Variants in SEMA3E observed in about 807,000 individuals in gnomAD.
SEMA3E encodes the protein semaphorin-3E.
In SEMA3E, 49 loss-of-function variants were observed where a neutral mutation model predicts 93.6. That is an observed-to-expected ratio of 0.52 (90% CI 0.42 to 0.66). The LOEUF (loss-of-function observed/expected upper bound fraction) is 0.66. Among genes scored for constraint, SEMA3E ranks in the 30% least tolerant of loss-of-function variants. The probability of loss-of-function intolerance (pLI) is 0.00; values close to 1 mark genes in which losing one functional copy is unlikely to be tolerated. For synonymous variants in SEMA3E, 363 were observed against 330.7 expected, an observed-to-expected ratio of 1.10 and a Z score of -1.06; for missense variants, 906 against 964.8, an observed-to-expected ratio of 0.94 and a Z score of 0.81.
intron 1 of SEMA3E, among the ~76,000 whole-genome samples, chr7:83,540,368 G>A (rs571100164): frequency 1.3e-5 from 2 of 148,574 alleles, no homozygotes; most frequent in African/African-American, 4.9e-5. Flanking sequence ...AAATTAAACA[G>A]TACTACTGGT....
At chr7:83,641,938 A>C (rs371866519) in intron 1 of SEMA3E, among the ~76,000 whole-genome samples, 3 of 152,186 alleles carry the variant, frequency 2.0e-5, no homozygotes, top group African/African-American at 7.2e-5. Context: ...TACCACTTTA[A>C]AGATAAGAAA....
intron 4 of SEMA3E, among the ~76,000 whole-genome samples, chr7:83,439,406 C>A (rs1789066120): frequency 6.6e-6 from 1 of 152,164 alleles, no homozygotes; most frequent in African/African-American, 2.4e-5. Flanking sequence ...AAAGTCTCAA[C>A]AAAGGAAATT....
At chr7:83,557,304 CTA>C (rs1485398416) in intron 1 of SEMA3E, among the ~76,000 whole-genome samples, 2 of 150,954 alleles carry the variant, frequency 1.3e-5, no homozygotes, top group African/African-American at 4.9e-5. Context: ...TTATATGAAT[CTA>C]TAAAAATATA....
At position 83,456,267 on chromosome 7, in the gene SEMA3E, C is replaced by T. The variant is rs1346517688; in HGVS notation, c.456+10215G>A. ...TTATTGTCTGAGCATCTACATTCAA[C>T]ACATAATTTCCATTTTCTTTGAGAT... On this transcript the variant is annotated intron_variant, in intron 4 of 16. Transcript: ENST00000643230. 3.3e-5 allele frequency among the ~76,000 whole-genome samples: 5 copies of T among 152,144 alleles called. No individual in the cohort carries two copies. In the East Asian group the frequency reaches 9.7e-4, roughly 29 times the overall value.
At chr7:83,515,993 C>T (rs1478370330) in intron 1 of SEMA3E, among the ~76,000 whole-genome samples, 1 of 152,090 alleles carries the variant, frequency 6.6e-6, no homozygotes, top group African/African-American at 2.4e-5. Flanking sequence ...CCTCACTGGC[C>T]TTGAGCCTGG....
intron 1 of SEMA3E, among the ~76,000 whole-genome samples, chr7:83,592,000 A>G (rs972943859): frequency 6.6e-6 from 1 of 152,082 alleles, no homozygotes; most frequent in East Asian, 1.9e-4. Flanking sequence ...ACATTGCCTT[A>G]TAAGTGTAAT....
At chr7:83,535,472 C>T (rs1791394016) in intron 1 of SEMA3E, among the ~76,000 whole-genome samples, 1 of 151,676 alleles carries the variant, frequency 6.6e-6, no homozygotes, top group Admixed American at 6.6e-5. Context: ...TACAATCTAT[C>T]AAATATGTTT....
In SEMA3E at chr7:83,507,418, A is replaced by T. The variant is rs547127847; in HGVS notation, c.116-17144T>A. Among the ~76,000 whole-genome samples, 35 of 136,598 alleles carry T rather than the reference A, an allele frequency of 2.6e-4. 1 individual carries two copies. The East Asian group carries it at 8.1e-3, about 32-fold the overall frequency. 89.6% of individuals were successfully genotyped at this position (136,598 alleles called of 152,430 possible). On this transcript the variant is annotated intron_variant, in intron 1 of 16. Coordinates refer to ENST00000643230, the MANE Select transcript of SEMA3E (RefSeq NM_012431.3). ...CTGCTGGGATTTATCACTTCAAAAC[A>T]GAACTCTGTGTGTGTGTGTGTGTGT... is the stretch of plus-strand genomic sequence containing the variant.
intron 4 of SEMA3E, among the ~76,000 whole-genome samples, chr7:83,435,136 A>G (rs1394278180): frequency 6.6e-6 from 1 of 152,186 alleles, no homozygotes; most frequent in Admixed American, 6.5e-5. Context: ...ACCTTGAAAA[A>G]GTTCTACTCT....
At chr7:83,477,499 T>A (rs77114709) in intron 2 of SEMA3E, among the ~76,000 whole-genome samples, 1,754 of 152,290 alleles carry the variant, frequency 0.012, 31 homozygotes, top group African/African-American at 0.04. Flanking sequence ...TCTGTCATTA[T>A]GTTTATGCCT....
In SEMA3E at chr7:83,394,917, T is replaced by C. The variant is rs539335949; in HGVS notation, c.1459-579A>G. Among the ~76,000 whole-genome samples, 86 of 152,242 alleles carry C rather than the reference T, an allele frequency of 5.6e-4. 1 individual carries two copies. Among genetic ancestry groups the C allele is most frequent in the African/African-American group, 2.0e-3 (84 of 41,564 alleles). On this transcript the variant is annotated intron_variant, in intron 12 of 16. Coordinates refer to ENST00000643230, the MANE Select transcript of SEMA3E (RefSeq NM_012431.3). Reference sequence around the variant, plus strand: ...AGCTTTGGGAACCAACATGTTGTTTTTGGATTGTTAAGGCTAGTGCATCCC... The same window carrying C: ...AGCTTTGGGAACCAACATGTTGTTTCTGGATTGTTAAGGCTAGTGCATCCC...
At chr7:83,400,294 A>G in intron 10 of SEMA3E, 44 bp from the exon 11 acceptor site, 1 of 1,564,288 alleles carries the variant, frequency 6.4e-7, no homozygotes, top group Non-Finnish European at 8.8e-7. Flanking sequence ...CTTTACACCC[A>G]AAGAGAAAAT....
intron 4 of SEMA3E, among the ~76,000 whole-genome samples, chr7:83,440,405 A>G (rs373094044): frequency 5.9e-5 from 9 of 152,280 alleles, no homozygotes; most frequent in African/African-American, 7.2e-5. Context: ...AGTTCACATT[A>G]GGGACATTTT....
At chr7:83,615,757 A>G in intron 1 of SEMA3E, among the ~76,000 whole-genome samples, 1 of 152,132 alleles carries the variant, frequency 6.6e-6, no homozygotes, top group East Asian at 1.9e-4. Context: ...AACACACAAG[A>G]CTAGAGAGCA....
At chr7:83,552,328 T>A (rs932043526) in intron 1 of SEMA3E, among the ~76,000 whole-genome samples, 1 of 152,228 alleles carries the variant, frequency 6.6e-6, no homozygotes, top group African/African-American at 2.4e-5. Flanking sequence ...AATCCTGTTA[T>A]CTTGATATGC....
intron 1 of SEMA3E, 22 bp from the exon 2 acceptor site, chr7:83,490,296 A>G: frequency 6.2e-7 from 1 of 1,607,918 alleles, no homozygotes; most frequent in Non-Finnish European, 8.5e-7. Flanking sequence ...AGTGATACAT[A>G]CACTAAGCAC....
chr7:83,397,016 A>G lies in SEMA3E; in HGVS notation c.1367-287T>C, dbSNP rs7808555. On this transcript the variant is annotated intron_variant, in intron 11 of 16. Coordinates refer to ENST00000643230, the MANE Select transcript of SEMA3E (RefSeq NM_012431.3). ...AGAATTGCTTGAACCTGGGAAGCAG[A>G]GGTTGCAGTGGGCAAGATCATGACA... Among the ~76,000 whole-genome samples, 1,082 of 150,458 alleles carry G rather than the reference A, an allele frequency of 7.2e-3. 8 individuals carry two copies. Among genetic ancestry groups the G allele is most frequent in the Admixed American group, 0.014 (218 of 15,070 alleles).
chr7:83,400,284 C>T, intron 10 of SEMA3E, 34 bp from the exon 11 acceptor site: 1 of 1,587,978 alleles, frequency 6.3e-7, no homozygotes, highest in Non-Finnish European at 8.6e-7. Flanking sequence ...ATTCTTTTTG[C>T]TTTACACCCA....
At chr7:83,368,594 T>A (rs1373437491) in intron 16 of SEMA3E, among the ~76,000 whole-genome samples, 5 of 152,244 alleles carry the variant, frequency 3.3e-5, no homozygotes, top group South Asian at 4.1e-4. Context: ...TCAGTGAACA[T>A]CCCTTACATT....
Sources: allele counts gnomAD v4.1 joint callset (sites outside exome capture counted in the v4.1 genomes callset), GRCh38; gene constraint gnomAD v4.1.1; transcripts MANE v1.5; gene names NCBI Gene and HGNC (gene_info 2026-07-23, HGNC 2026-07-21).